CEACAM3: variants seen among roughly 807,000 people sequenced by gnomAD.
CEACAM3 encodes the protein CEA cell adhesion molecule 3, also known as cell adhesion molecule CEACAM3.
A neutral mutation model predicts 30.1 loss-of-function variants in CEACAM3; 32 were observed. That is an observed-to-expected ratio of 1.06 (90% CI 0.80 to 1.43). The LOEUF (loss-of-function observed/expected upper bound fraction) is 1.43. CEACAM3 is among the 40% of genes most tolerant of loss of function. The pLI is 0.00. For synonymous variants in CEACAM3, 134 were observed against 127.2 expected, an observed-to-expected ratio of 1.05 and a Z score of -0.36; for missense variants, 290 against 316.3, an observed-to-expected ratio of 0.92 and a Z score of 0.63.
rs1236335851 is a variant in CEACAM3, at chr19:41,806,257, T to A, written c.425-2556T>A. ...GTTGGTCAGGCTGGTCTCGAACTCC[T>A]GACCTCAGGTGATCTGCCCACCTCG... On this transcript the variant is annotated intron_variant, in intron 2 of 6. Coordinates refer to ENST00000357396, the MANE Select transcript of CEACAM3 (RefSeq NM_001815.5). 2.0e-5 allele frequency among the ~76,000 whole-genome samples: 3 copies of A among 152,264 alleles called. No homozygotes were observed. In the East Asian group the frequency reaches 5.8e-4, roughly 29 times the overall value.
At chr19:41,803,587 C>A (rs1257297813) in intron 2 of CEACAM3, among the ~76,000 whole-genome samples, 3 of 151,934 alleles carry the variant, frequency 2.0e-5, no homozygotes, top group Non-Finnish European at 4.4e-5. Flanking sequence ...CTGCCTCAGC[C>A]TCCCAAATAG....
At chr19:41,805,953 C>T (rs1214771245) in intron 2 of CEACAM3, among the ~76,000 whole-genome samples, 3 of 152,352 alleles carry the variant, frequency 2.0e-5, no homozygotes, top group African/African-American at 7.2e-5. Flanking sequence ...CCAGCTCCTG[C>T]ATGTCCCCGC....
At chr19:41,810,643 G>C (rs567752972) in intron 5 of CEACAM3, among the ~76,000 whole-genome samples, 189 bp from the exon 6 acceptor site, 1 of 152,146 alleles carries the variant, frequency 6.6e-6, no homozygotes, top group Admixed American at 6.5e-5. Flanking sequence ...ATTAACAAGG[G>C]TGCAGGGTGG....
intron 2 of CEACAM3, among the ~76,000 whole-genome samples, chr19:41,804,785 C>T (rs1377852207): frequency 4.6e-5 from 7 of 152,148 alleles, no homozygotes; most frequent in Admixed American, 4.6e-4. Flanking sequence ...GACCTTTCGA[C>T]CATTAATAAT....
At chr19:41,801,029 T>C (rs1417758146) in intron 2 of CEACAM3, among the ~76,000 whole-genome samples, 2 of 152,144 alleles carry the variant, frequency 1.3e-5, no homozygotes, top group Admixed American at 6.5e-5. Context: ...TCCTGGTCCC[T>C]AGGGTCTCTG....
At chr19:41,798,001 A>G in intron 2 of CEACAM3, 53 bp downstream of exon 2, 2 of 1,559,262 alleles carry the variant, frequency 1.3e-6, no homozygotes, top group Non-Finnish European at 1.7e-6. Context: ...TACTTCCCAC[A>G]TATGGGATTG....
chr19:41,809,519 C>T (rs2199829), intron 3 of CEACAM3: 83,514 of 167,324 alleles, frequency 0.5, 23,989 homozygotes, highest in Middle Eastern at 0.73. Context: ...GACACTGTCC[C>T]ATTTCAGCAT....
chr19:41,807,504 C>T, intron 2 of CEACAM3: 2 of 1,433,594 alleles, frequency 1.4e-6, no homozygotes, highest in South Asian at 2.5e-5. Flanking sequence ...GGCTGGCCAT[C>T]ACTTCCTGTC....
intron 2 of CEACAM3, among the ~76,000 whole-genome samples, chr19:41,802,282 C>G (rs570985503): frequency 1.3e-5 from 2 of 152,268 alleles, no homozygotes; most frequent in East Asian, 3.9e-4. Context: ...CTTCTGGTGT[C>G]CAATTTGGCA....
intron 2 of CEACAM3, among the ~76,000 whole-genome samples, chr19:41,804,885 C>T (rs1450967617): frequency 1.3e-5 from 2 of 151,358 alleles, no homozygotes; most frequent in African/African-American, 4.9e-5. Flanking sequence ...TGTCTAAACT[C>T]CTGACAAATT....
chr19:41,809,647 T>C (rs2073232434), intron 3 of CEACAM3: 1 of 282,926 alleles, frequency 3.5e-6, no homozygotes, highest in Admixed American at 4.8e-5. Flanking sequence ...CTCTGGGGAC[T>C]TGACCCTTCC....
intron 2 of CEACAM3, chr19:41,807,751 A>G (rs1458493339): frequency 1.0e-5 from 6 of 580,442 alleles, no homozygotes; most frequent in East Asian, 1.2e-4. Flanking sequence ...GATATCATCT[A>G]TGACTTTATT....
chr19:41,803,426 A>ATGTGTGTGTG (rs1164324050), intron 2 of CEACAM3, among the ~76,000 whole-genome samples: 47 of 129,000 alleles, frequency 3.6e-4, no homozygotes, highest in African/African-American at 1.3e-3. Flanking sequence ...TTGTGTGTGT[A>ATGTGTGTGTG]TGTGTGTGTG....
At chr19:41,803,718 G>GCA in intron 2 of CEACAM3, among the ~76,000 whole-genome samples, 1 of 50,848 alleles carries the variant, frequency 2.0e-5, no homozygotes, top group South Asian at 1.3e-3. Context: ...TGCCCGCCTT[G>GCA]GCCTCCAAAA....
At chr19:41,805,292 T>C (rs1157046462) in intron 2 of CEACAM3, among the ~76,000 whole-genome samples, 17 of 147,764 alleles carry the variant, frequency 1.2e-4, no homozygotes, top group East Asian at 1.9e-4. Flanking sequence ...CTTCTTTTTT[T>C]TTTTTTTTTT....
At chr19:41,804,604 T>A (rs2073183966) in intron 2 of CEACAM3, among the ~76,000 whole-genome samples, 1 of 152,220 alleles carries the variant, frequency 6.6e-6, no homozygotes, top group Admixed American at 6.5e-5. Flanking sequence ...TGACCAGTTC[T>A]GTCTTCCTAA....
rs782313652 is a variant in CEACAM3, at chr19:41,810,061, C to A, written c.595+44C>A. ...CAGGTGTGGCTGGGAACCCCTAGGA[C>A]AGCCCCACAGTGTCCGCTCCTGCCA... On this transcript the variant is annotated intron_variant, in intron 4 of 6. Transcript: ENST00000357396. The A allele has an allele frequency of 1.9e-5, 30 of 1,579,184 alleles. No homozygotes were observed. In the East Asian group the frequency reaches 6.3e-4, roughly 33 times the overall value.
rs183893024 is a variant in CEACAM3, at chr19:41,807,523, A to C, written c.425-1290A>C. On this transcript the variant is annotated intron_variant, in intron 2 of 6. Coordinates refer to ENST00000357396, the MANE Select transcript of CEACAM3 (RefSeq NM_001815.5). Reference sequence around the variant, plus strand: ...GGCCATCACTTCCTGTCCCAAGCAAACCTGGGCAGACCCAGCCTTGACCAA... The same window carrying C: ...GGCCATCACTTCCTGTCCCAAGCAACCCTGGGCAGACCCAGCCTTGACCAA... The C allele has an allele frequency of 6.7e-5, 93 of 1,378,696 alleles. No individual in the cohort carries two copies. The African/African-American group carries it at 1.1e-3, about 16-fold the overall frequency. The allele number at this position is 1,378,696 out of a possible 1,614,324, so 85.4% of individuals were successfully genotyped here.
At position 41,810,026 on chromosome 19, in the gene CEACAM3, CCT is replaced by C; in HGVS notation, c.595+13_595+14del. The C allele has an allele frequency of 3.1e-6, 5 of 1,613,530 alleles. No individual in the cohort carries two copies. The highest frequency in any genetic ancestry group is 4.2e-6 in the Non-Finnish European group (5 of 1,179,578). On this transcript the variant is annotated intron_variant, in intron 4 of 6. Coordinates refer to ENST00000357396, the MANE Select transcript of CEACAM3 (RefSeq NM_001815.5). ...CCAAGCCCTTGCCCCTGGTGAGTGT[CCT>C]CTCAGCCCAGGTGTGGCTGGGAACC...
Sources: gnomAD v4.1 joint callset for allele counts (sites outside exome capture counted in the v4.1 genomes callset) on GRCh38, gnomAD v4.1.1 for gene constraint, MANE v1.5 for transcripts, NCBI Gene and HGNC (gene_info 2026-07-23, HGNC 2026-07-21) for gene names.